The following FOXP1 variants were observed in gnomAD, a reference collection of about 807,000 sequenced individuals.
FOXP1 encodes forkhead box protein P1.
Under a neutral mutation model 98.2 loss-of-function variants are expected in FOXP1, and 15 were observed. That is an observed-to-expected ratio of 0.15 (90% CI 0.10 to 0.24). The LOEUF (loss-of-function observed/expected upper bound fraction) is 0.24, where lower values mean the gene tolerates loss of function less well. FOXP1 is among the 10% of genes least tolerant of loss of function. The probability of loss-of-function intolerance (pLI) is 1.00; values close to 1 mark genes in which losing one functional copy is unlikely to be tolerated. For synonymous variants in FOXP1, 371 were observed against 314.5 expected, an observed-to-expected ratio of 1.18 and a Z score of -1.90; for missense variants, 633 against 848.5, an observed-to-expected ratio of 0.75 and a Z score of 3.15.
chr3:71,093,169 G>A (rs1297910803), intron 7 of FOXP1, among the ~76,000 whole-genome samples: 1 of 151,102 alleles, frequency 6.6e-6, no homozygotes, highest in African/African-American at 2.4e-5. Flanking sequence ...CAGAAGAATC[G>A]CTTGAACCTG....
intron 4 of FOXP1, among the ~76,000 whole-genome samples, chr3:71,304,508 A>G (rs1213868150): frequency 1.3e-5 from 2 of 152,376 alleles, no homozygotes; most frequent in East Asian, 3.9e-4. Context: ...AGCTATTGTC[A>G]TGGAAAGTTA....
chr3:71,463,165 C>G (rs982669073), intron 3 of FOXP1, among the ~76,000 whole-genome samples: 1 of 152,004 alleles, frequency 6.6e-6, no homozygotes, highest in Non-Finnish European at 1.5e-5. Flanking sequence ...GAGTTCGAGA[C>G]TAGCCTCAGC....
At chr3:71,323,450 G>A (rs1576970230) in intron 4 of FOXP1, among the ~76,000 whole-genome samples, 2 of 152,044 alleles carry the variant, frequency 1.3e-5, no homozygotes, top group Admixed American at 1.3e-4. Flanking sequence ...GAATCAATGA[G>A]ACCTACAAAA....
chr3:71,026,064 C>T (rs1415984185), intron 11 of FOXP1, among the ~76,000 whole-genome samples: 1 of 152,178 alleles, frequency 6.6e-6, no homozygotes, highest in East Asian at 1.9e-4. Flanking sequence ...CCTATGAAAA[C>T]ATACCAACTC....
chr3:71,163,575 G>A (rs2061251641), intron 6 of FOXP1, among the ~76,000 whole-genome samples: 1 of 152,106 alleles, frequency 6.6e-6, no homozygotes. Flanking sequence ...AAGGAATTTG[G>A]CTAATTATGA....
intron 7 of FOXP1, among the ~76,000 whole-genome samples, chr3:71,075,580 G>C (rs2053717224): frequency 6.6e-6 from 1 of 152,174 alleles, no homozygotes; most frequent in Admixed American, 6.5e-5. Flanking sequence ...ATCTACAAGA[G>C]GCAAAATAGC....
intron 9 of FOXP1, among the ~76,000 whole-genome samples, chr3:71,048,138 CA>C (rs148472658): frequency 1.0e-4 from 15 of 144,236 alleles, no homozygotes; most frequent in African/African-American, 2.0e-4. Flanking sequence ...CAAACTGTAG[CA>C]AAAAAAAAAG....
intron 2 of FOXP1, among the ~76,000 whole-genome samples, chr3:71,513,626 C>A (rs2042355943): frequency 6.6e-6 from 1 of 152,172 alleles, no homozygotes; most frequent in Admixed American, 6.5e-5. Context: ...GTTGATTATA[C>A]AAAATGGGTC....
intron 5 of FOXP1, among the ~76,000 whole-genome samples, chr3:71,231,233 T>G (rs960021208): frequency 6.6e-6 from 1 of 152,210 alleles, no homozygotes. Context: ...AGATGTAGGC[T>G]TTAAAACTCA....
chr3:70,983,690 G>T (rs2039264387), intron 14 of FOXP1, among the ~76,000 whole-genome samples: 2 of 152,170 alleles, frequency 1.3e-5, no homozygotes, highest in Non-Finnish European at 2.9e-5. Flanking sequence ...GTTCTCTGAT[G>T]TGCAGGAATA....
At chr3:71,339,845 A>T (rs755913751) in intron 4 of FOXP1, among the ~76,000 whole-genome samples, 3 of 152,248 alleles carry the variant, frequency 2.0e-5, no homozygotes, top group Non-Finnish European at 4.4e-5. Context: ...TTCCACTAGC[A>T]ATCCAATCTA....
At chr3:71,533,666 T>G (rs1346256327) in intron 2 of FOXP1, among the ~76,000 whole-genome samples, 1 of 152,202 alleles carries the variant, frequency 6.6e-6, no homozygotes, top group Non-Finnish European at 1.5e-5. Flanking sequence ...TCTGCAGAAT[T>G]ATTTTTCGGG....
chr3:71,581,441 G>T, intron 2 of FOXP1, 108 bp downstream of exon 2: 3 of 985,476 alleles, frequency 3.0e-6, no homozygotes, highest in Non-Finnish European at 3.6e-6. Context: ...GTGCCTTATC[G>T]CTAGGCTCGC....
At chr3:71,147,363 T>G (rs1452546908) in intron 6 of FOXP1, among the ~76,000 whole-genome samples, 1 of 152,162 alleles carries the variant, frequency 6.6e-6, no homozygotes. Context: ...CTTCATCTCA[T>G]ATCACCTTTA....
intron 5 of FOXP1, among the ~76,000 whole-genome samples, chr3:71,251,315 A>G (rs769377817): frequency 6.6e-6 from 1 of 152,232 alleles, no homozygotes; most frequent in African/African-American, 2.4e-5. Context: ...AAGTCTCTTA[A>G]GCAGTCACGT....
chr3:71,113,219 T>C (rs1209988992), intron 6 of FOXP1, among the ~76,000 whole-genome samples: 1 of 151,986 alleles, frequency 6.6e-6, no homozygotes. Flanking sequence ...GAGAGGAAAA[T>C]TTGGCAAATC....
At position 70,978,048 on chromosome 3, in the gene FOXP1, C is replaced by T. The variant is rs75214049; in HGVS notation, c.1147-19G>A. ...GATTCAACTGCAAGGAAAAAAACAA[C>T]GTCTTAGAAGACCTTCAGAAAACCA... On this transcript the variant is annotated intron_variant, in intron 14 of 20. Transcript: ENST00000649528. 6.0e-3 allele frequency: 9,592 copies of T among 1,611,262 alleles called. 453 individuals carry two copies. In the African/African-American group the frequency reaches 0.11, roughly 18 times the overall value.
At position 70,957,995 on chromosome 3, in the gene FOXP1, T is replaced by C. The variant is rs370376108; in HGVS notation, c.*1252A>G. On this transcript the variant is annotated 3_prime_UTR_variant, in exon 21 of 21. Transcript: ENST00000649528. ...CAGCTGCTCGGGGAAGCCGGTTTTT[T>C]TTTTTGGCCATTTTGCAAACAAAAC... 8.2e-6 allele frequency: 2 copies of C among 245,362 alleles called. No homozygotes were observed. The highest frequency in any genetic ancestry group is 5.9e-5 in the East Asian group (1 of 17,086). The allele number at this position is 245,362 out of a possible 1,614,324, so 15.2% of individuals were successfully genotyped here.
chr3:71,371,092 A>C (rs1057369497), intron 3 of FOXP1, among the ~76,000 whole-genome samples: 1 of 152,098 alleles, frequency 6.6e-6, no homozygotes, highest in East Asian at 1.9e-4. Context: ...CCCCAACCCC[A>C]GAGTTTCTGA....
Sources: allele counts gnomAD v4.1 joint callset (sites outside exome capture counted in the v4.1 genomes callset), GRCh38; gene constraint gnomAD v4.1.1; transcripts MANE v1.5; gene names NCBI Gene and HGNC (gene_info 2026-07-23, HGNC 2026-07-21).